DPP10: variants seen among roughly 807,000 people sequenced by gnomAD.
The protein encoded by DPP10 is dipeptidyl peptidase like 10.
In DPP10, 33 loss-of-function variants were observed where a neutral mutation model predicts 120.9. The observed-to-expected ratio is 0.27, with a 90% CI of 0.21 to 0.37. The LOEUF (loss-of-function observed/expected upper bound fraction) is 0.37, where lower values mean the gene tolerates loss of function less well. Among genes scored for constraint, DPP10 ranks in the 10% least tolerant of loss-of-function variants. The pLI is 1.00. For missense variants in DPP10, 816 were observed against 942.8 expected (o/e 0.87, Z 1.76); for synonymous variants, 337 against 326.1 (o/e 1.03, Z -0.36).
intron 1 of DPP10, among the ~76,000 whole-genome samples, chr2:114,801,262 C>CAAAAAAAAA (rs1174819592): frequency 5.0e-5 from 3 of 59,560 alleles, no homozygotes; most frequent in African/African-American, 5.5e-5. Context: ...GACTCTGTAT[C>CAAAAAAAAA]AAAAAAAAAA....
intron 17 of DPP10, among the ~76,000 whole-genome samples, chr2:115,785,730 T>G (rs1269897515): frequency 2.6e-5 from 4 of 152,120 alleles, no homozygotes; most frequent in Non-Finnish European, 5.9e-5. Flanking sequence ...CTCTCTTTTT[T>G]CTTAGGCTAT....
chr2:114,796,467 G>A (rs1683722373), intron 1 of DPP10, among the ~76,000 whole-genome samples: 1 of 151,408 alleles, frequency 6.6e-6, no homozygotes, highest in African/African-American at 2.4e-5. Flanking sequence ...TAATAATATA[G>A]TATATAATAT....
intron 1 of DPP10, among the ~76,000 whole-genome samples, chr2:114,570,356 C>A (rs1237367973): frequency 6.6e-6 from 1 of 152,054 alleles, no homozygotes; most frequent in Non-Finnish European, 1.5e-5. Context: ...GGGCAGTTCT[C>A]CAACTTCAAT....
At chr2:115,472,520 C>T (rs979518) in intron 3 of DPP10, among the ~76,000 whole-genome samples, 150,083 of 152,296 alleles carry the variant, frequency 0.99, 73,996 homozygotes, top group East Asian at 1. Flanking sequence ...ATCCAGTGTA[C>T]ATTTTAAACT....
intron 1 of DPP10, among the ~76,000 whole-genome samples, chr2:115,024,111 C>A (rs1703276597): frequency 6.6e-6 from 1 of 151,956 alleles, no homozygotes; most frequent in African/African-American, 2.4e-5. Context: ...TGCTAAGGAA[C>A]TTATTCAGGT....
In DPP10 at chr2:114,487,071, T is replaced by C. The variant is rs1158621545; in HGVS notation, c.60+44233T>C. Among the ~76,000 whole-genome samples, 9 of 152,296 alleles carry C rather than the reference T, an allele frequency of 5.9e-5. No individual in the cohort carries two copies. The East Asian group carries it at 1.7e-3, about 29-fold the overall frequency. On this transcript the variant is annotated intron_variant, in intron 1 of 25. Coordinates refer to ENST00000410059, the MANE Select transcript of DPP10 (RefSeq NM_020868.6). ...TTTTGAAAGCAAAGTTGAAAAGTACTTTGGATCTAGTGATAGTGTTGTGCT... is the reference window on the plus strand; with the variant it reads ...TTTTGAAAGCAAAGTTGAAAAGTACCTTGGATCTAGTGATAGTGTTGTGCT...
intron 1 of DPP10, among the ~76,000 whole-genome samples, chr2:114,767,946 C>T: frequency 6.6e-6 from 1 of 151,790 alleles, no homozygotes; most frequent in Non-Finnish European, 1.5e-5. Context: ...CATGATGAAA[C>T]CTGAAACCCC....
At chr2:114,757,075 G>A (rs1450888464) in intron 1 of DPP10, among the ~76,000 whole-genome samples, 2 of 149,174 alleles carry the variant, frequency 1.3e-5, no homozygotes, top group African/African-American at 4.9e-5. Context: ...ATGAAGAAAG[G>A]AAGGAGGAGA....
At chr2:114,798,967 A>G (rs1683951508) in intron 1 of DPP10, among the ~76,000 whole-genome samples, 1 of 152,108 alleles carries the variant, frequency 6.6e-6, no homozygotes, top group African/African-American at 2.4e-5. Context: ...CGTCTCTACT[A>G]GAAATACAAA....
At chr2:114,607,268 G>A (rs371784295) in intron 1 of DPP10, among the ~76,000 whole-genome samples, 3 of 152,298 alleles carry the variant, frequency 2.0e-5, no homozygotes, top group East Asian at 3.9e-4. Flanking sequence ...AAGATAAAGT[G>A]TGATCTAAAG....
intron 3 of DPP10, among the ~76,000 whole-genome samples, chr2:115,435,355 C>T (rs1278622082): frequency 1.3e-5 from 2 of 151,576 alleles, no homozygotes; most frequent in East Asian, 1.9e-4. Context: ...TCCTCGTTAC[C>T]ATTCATAATT....
At chr2:115,599,568 A>C (rs2083196191) in intron 5 of DPP10, among the ~76,000 whole-genome samples, 1 of 152,108 alleles carries the variant, frequency 6.6e-6, no homozygotes, top group Admixed American at 6.6e-5. Context: ...CTCTACCTTG[A>C]AGAACAAAGT....
chr2:115,276,632 G>T (rs1445114776), intron 1 of DPP10, among the ~76,000 whole-genome samples: 1 of 152,154 alleles, frequency 6.6e-6, no homozygotes, highest in Non-Finnish European at 1.5e-5. Flanking sequence ...ATGCTCTGAG[G>T]TACAGCCCCC....
chr2:114,816,561 C>A (rs1031089093), intron 1 of DPP10, among the ~76,000 whole-genome samples: 7 of 152,278 alleles, frequency 4.6e-5, no homozygotes, highest in Admixed American at 2.6e-4. Flanking sequence ...CACCCCATCT[C>A]TTGATTGTGT....
intron 1 of DPP10, chr2:114,462,047 G>A (rs1678960851): frequency 1.0e-6 from 1 of 985,368 alleles, no homozygotes; most frequent in Non-Finnish European, 1.2e-6. Flanking sequence ...GAAAACTGGA[G>A]CAGAGTGTGA....
At chr2:115,286,540 T>TATATATATATATATATATATATAA (rs1559367032) in intron 1 of DPP10, among the ~76,000 whole-genome samples, 7 of 107,338 alleles carry the variant, frequency 6.5e-5, no homozygotes, top group Non-Finnish European at 1.4e-4. Context: ...TATATATATA[T>TATATATATATATATATATATATAA]AAAATATATA....
chr2:114,648,659 T>A (rs927004736), intron 1 of DPP10, among the ~76,000 whole-genome samples: 7 of 152,224 alleles, frequency 4.6e-5, no homozygotes, highest in Non-Finnish European at 8.8e-5. Flanking sequence ...TCAGTCGTTG[T>A]ATCTAAATTC....
At chr2:115,355,113 G>C (rs1191551452) in intron 3 of DPP10, among the ~76,000 whole-genome samples, 1 of 152,148 alleles carries the variant, frequency 6.6e-6, no homozygotes, top group Non-Finnish European at 1.5e-5. Context: ...CTAGATCCTT[G>C]AGGAATTGCC....
chr2:114,992,206 T>G (rs960018291), intron 1 of DPP10, among the ~76,000 whole-genome samples: 1 of 152,208 alleles, frequency 6.6e-6, no homozygotes, highest in Admixed American at 6.5e-5. Context: ...ATCTTCTGGG[T>G]CCTAACAGGA....
Sources: allele counts gnomAD v4.1 joint callset (sites outside exome capture counted in the v4.1 genomes callset), GRCh38; gene constraint gnomAD v4.1.1; transcripts MANE v1.5; gene names NCBI Gene and HGNC (gene_info 2026-07-23, HGNC 2026-07-21).